The following SIPA1L1 variants were observed in gnomAD, a reference collection of about 807,000 sequenced individuals.
SIPA1L1 encodes the protein signal-induced proliferation-associated 1-like protein 1.
In SIPA1L1, 26 loss-of-function variants were observed where a neutral mutation model predicts 162.7. The ratio of observed to expected loss-of-function variants is 0.16; its 90% CI spans 0.12 to 0.22. The LOEUF (loss-of-function observed/expected upper bound fraction) is 0.22. SIPA1L1 is among the 10% of genes least tolerant of loss of function. SIPA1L1 has a pLI of 1.00. For missense variants in SIPA1L1, 1,874 were observed against 2,241.0 expected (o/e 0.84, Z 3.31); for synonymous variants, 829 against 837.4 (o/e 0.99, Z 0.17).
intron 2 of SIPA1L1, among the ~76,000 whole-genome samples, chr14:71,468,056 G>A (rs1271041902): frequency 6.6e-6 from 1 of 151,104 alleles, no homozygotes; most frequent in East Asian, 1.9e-4. Context: ...GTCTGTCTGT[G>A]TCTGTCTGTC....
intron 5 of SIPA1L1, among the ~76,000 whole-genome samples, chr14:71,611,195 T>A (rs901643420): frequency 2.6e-5 from 4 of 152,236 alleles, no homozygotes; most frequent in Admixed American, 6.5e-5. Context: ...GGCCTCTTAT[T>A]ATGTCCACTT....
chr14:71,648,461 G>A (rs1043768693), intron 7 of SIPA1L1, among the ~76,000 whole-genome samples: 2 of 152,110 alleles, frequency 1.3e-5, no homozygotes. Context: ...CCGTTATCAC[G>A]ATTTGAACCA....
chr14:71,436,332 C>G (rs2044374758), intron 2 of SIPA1L1, among the ~76,000 whole-genome samples: 1 of 152,038 alleles, frequency 6.6e-6, no homozygotes, highest in African/African-American at 2.4e-5. Flanking sequence ...AATTTTATGT[C>G]TTACTTAGGT....
intron 2 of SIPA1L1, among the ~76,000 whole-genome samples, chr14:71,378,901 T>A (rs1016519404): frequency 6.6e-6 from 1 of 152,232 alleles, no homozygotes; most frequent in Non-Finnish European, 1.5e-5. Flanking sequence ...ATTTAAAAGT[T>A]GATTAGAAGC....
chr14:71,346,545 T>C (rs977549941), intron 2 of SIPA1L1, among the ~76,000 whole-genome samples: 1 of 152,200 alleles, frequency 6.6e-6, no homozygotes, highest in Non-Finnish European at 1.5e-5. Context: ...GAGTATGGTT[T>C]CATCGAGATG....
chr14:71,356,427 A>G (rs748688374), intron 2 of SIPA1L1, among the ~76,000 whole-genome samples: 5 of 151,440 alleles, frequency 3.3e-5, no homozygotes, highest in South Asian at 2.1e-4. Flanking sequence ...AAGGAAACCT[A>G]CTATTTAAAA....
chr14:71,494,203 C>T (rs2049526999), intron 2 of SIPA1L1, among the ~76,000 whole-genome samples: 1 of 152,072 alleles, frequency 6.6e-6, no homozygotes, highest in Non-Finnish European at 1.5e-5. Flanking sequence ...TGTTTTGTTC[C>T]TGATGTTAGA....
chr14:71,327,857 G>T (rs981953545), intron 2 of SIPA1L1, among the ~76,000 whole-genome samples: 1 of 152,124 alleles, frequency 6.6e-6, no homozygotes, highest in African/African-American at 2.4e-5. Flanking sequence ...GCTGGTATTT[G>T]ACATACGAAG....
At chr14:71,478,596 G>C (rs1032308504) in intron 2 of SIPA1L1, among the ~76,000 whole-genome samples, 2 of 152,076 alleles carry the variant, frequency 1.3e-5, no homozygotes, top group Non-Finnish European at 2.9e-5. Flanking sequence ...CAGCACCTTT[G>C]TTGAAAACAC....
chr14:71,661,366 T>C lies in SIPA1L1; in HGVS notation c.2154T>C (p.Pro718=). 4 of 1,614,056 alleles carry C rather than the reference T, an allele frequency of 2.5e-6. No individual in the cohort carries two copies. Among genetic ancestry groups the C allele is most frequent in the Non-Finnish European group, 3.4e-6 (4 of 1,179,946 alleles). ...TCGTAACAATTGTTTTCCAAGAGCC[T>C]GGAGCACAGCCATTCAGCCCAAAAA... ...NDIVTIVFQE[P]GAQPFSPKNI... The change falls in exon 10 of 24, where the codon CCT becomes CCC. Residue 718 remains proline (P), a synonymous_variant. Transcript: ENST00000381232.
At chr14:71,372,678 T>G (rs748983117) in intron 2 of SIPA1L1, among the ~76,000 whole-genome samples, 15 of 152,154 alleles carry the variant, frequency 9.9e-5, no homozygotes, top group Non-Finnish European at 2.9e-5. Context: ...CAAGCAGTAG[T>G]TGAACCGAGG....
At chr14:71,474,565 C>T (rs986665636) in intron 2 of SIPA1L1, among the ~76,000 whole-genome samples, 3 of 152,138 alleles carry the variant, frequency 2.0e-5, no homozygotes, top group African/African-American at 7.2e-5. Context: ...CAATCTTGTG[C>T]CAAAATTATA....
At chr14:71,494,427 T>G (rs147050254) in intron 2 of SIPA1L1, among the ~76,000 whole-genome samples, 23 of 152,204 alleles carry the variant, frequency 1.5e-4, no homozygotes, top group African/African-American at 5.3e-4. Context: ...AATTGACTTT[T>G]GGAGGTTATA....
intron 2 of SIPA1L1, among the ~76,000 whole-genome samples, chr14:71,492,557 G>A (rs2049366778): frequency 6.6e-6 from 1 of 152,166 alleles, no homozygotes; most frequent in Admixed American, 6.6e-5. Context: ...AACCTCTGCT[G>A]TCTGCTTCAG....
chr14:71,696,636 A>T (rs1288979099), intron 13 of SIPA1L1, among the ~76,000 whole-genome samples: 1 of 152,078 alleles, frequency 6.6e-6, no homozygotes, highest in South Asian at 2.1e-4. Flanking sequence ...TCTCTTCTTC[A>T]TTTTCTACAC....
intron 2 of SIPA1L1, among the ~76,000 whole-genome samples, chr14:71,500,969 G>A (rs966828404): frequency 3.3e-5 from 5 of 152,182 alleles, no homozygotes; most frequent in Non-Finnish European, 5.9e-5. Context: ...TCGTGCCATT[G>A]CACTCCATCC....
At chr14:71,500,961 G>C (rs1266252566) in intron 2 of SIPA1L1, among the ~76,000 whole-genome samples, 1 of 152,162 alleles carries the variant, frequency 6.6e-6, no homozygotes, top group African/African-American at 2.4e-5. Context: ...ACCCGAGATC[G>C]TGCCATTGCA....
At chr14:71,727,875 G>GAGC (rs1449852305) in intron 19 of SIPA1L1, among the ~76,000 whole-genome samples, 1 of 152,210 alleles carries the variant, frequency 6.6e-6, no homozygotes, top group African/African-American at 2.4e-5. Context: ...ACCTTTTAAT[G>GAGC]AGCAGAACGC....
At chr14:71,661,050 G>A (rs1336871783) in intron 9 of SIPA1L1, among the ~76,000 whole-genome samples, 5 of 152,192 alleles carry the variant, frequency 3.3e-5, no homozygotes, top group African/African-American at 1.2e-4. Context: ...GTGATGTTGG[G>A]ACCTGGCATA....
Sources: gnomAD v4.1 joint callset for allele counts (sites outside exome capture counted in the v4.1 genomes callset) on GRCh38, gnomAD v4.1.1 for gene constraint, MANE v1.5 for transcripts, NCBI Gene and HGNC (gene_info 2026-07-23, HGNC 2026-07-21) for gene names.